SHROOM4: variants seen among roughly 807,000 people sequenced by gnomAD.
SHROOM4 encodes the protein protein Shroom4.
A neutral mutation model predicts 80.3 loss-of-function variants in SHROOM4; 17 were observed. The observed-to-expected ratio is 0.21, with a 90% CI of 0.14 to 0.32. The LOEUF is 0.32. SHROOM4 is among the 10% of genes least tolerant of loss of function. The pLI is 1.00. For missense variants in SHROOM4, 993 were observed against 1,140.3 expected (o/e 0.87, Z 1.86); for synonymous variants, 400 against 437.5 (o/e 0.91, Z 1.07).
chrX:50,791,578 T>C (rs1935852082), intron 1 of SHROOM4, among the ~76,000 whole-genome samples: 1 of 64,903 alleles, frequency 1.5e-5, no homozygotes, highest in Non-Finnish European at 2.6e-5. Flanking sequence ...CATGCCTGAC[T>C]TTTTTTTTTT....
At chrX:50,614,176 C>G (rs1557250365) in intron 5 of SHROOM4, among the ~76,000 whole-genome samples, 1 of 111,972 alleles carries the variant, frequency 8.9e-6, no homozygotes, top group Non-Finnish European at 1.9e-5. Context: ...AAAAAAATAC[C>G]ATAAAGGTAC....
chrX:50,779,787 C>T (rs1935584797), intron 1 of SHROOM4, among the ~76,000 whole-genome samples: 1 of 112,158 alleles, frequency 8.9e-6, no homozygotes, highest in South Asian at 3.7e-4. Flanking sequence ...GCAAAACACA[C>T]ACTGCTGTTA....
intron 1 of SHROOM4, among the ~76,000 whole-genome samples, chrX:50,804,722 T>C (rs1557272903): frequency 8.9e-6 from 1 of 112,287 alleles, no homozygotes; most frequent in African/African-American, 3.2e-5. Context: ...TGAAAATACA[T>C]GTAAAACACC....
chrX:50,760,332 C>CTT (rs59845169), intron 1 of SHROOM4, among the ~76,000 whole-genome samples: 955 of 89,539 alleles, frequency 0.011, 10 homozygotes, highest in African/African-American at 0.027. Flanking sequence ...TCTCTAGTAA[C>CTT]TTTTTTTTTT....
chrX:50,682,497 C>T (rs782060482), intron 2 of SHROOM4, among the ~76,000 whole-genome samples: 1 of 111,671 alleles, frequency 9.0e-6, no homozygotes, highest in African/African-American at 3.2e-5. Flanking sequence ...GGAGGAAAAA[C>T]AACACATGGA....
chrX:50,808,781 G>C (rs1557273202), intron 1 of SHROOM4, among the ~76,000 whole-genome samples: 1 of 110,646 alleles, frequency 9.0e-6, no homozygotes, highest in African/African-American at 3.3e-5. Flanking sequence ...TTTTTTAAGG[G>C]ACAATGGAGT....
chrX:50,655,190 T>C (rs996363743), intron 2 of SHROOM4, among the ~76,000 whole-genome samples: 1 of 109,982 alleles, frequency 9.1e-6, no homozygotes, highest in Non-Finnish European at 1.9e-5. Flanking sequence ...CAATTCACCA[T>C]TGATGGGCAC....
At chrX:50,788,220 G>T (rs1345544574) in intron 1 of SHROOM4, among the ~76,000 whole-genome samples, 1 of 111,699 alleles carries the variant, frequency 9.0e-6, no homozygotes, top group Non-Finnish European at 1.9e-5. Flanking sequence ...GTTTTTGTAT[G>T]TGATCGAAGT....
intron 2 of SHROOM4, among the ~76,000 whole-genome samples, chrX:50,678,023 C>T (rs1196022097): frequency 2.7e-5 from 3 of 111,701 alleles, no homozygotes; most frequent in Admixed American, 9.5e-5. Context: ...ACCAAATTAG[C>T]GTAGGAAAAA....
At chrX:50,812,748 C>T (rs782079620) in intron 1 of SHROOM4, among the ~76,000 whole-genome samples, 2 of 68,843 alleles carry the variant, frequency 2.9e-5, no homozygotes, top group South Asian at 1.8e-3. Flanking sequence ...TTGAACCCCA[C>T]CCCCCCGCAA....
Position 50,673,318 on chromosome X carries a change from A to G in SHROOM4, c.269+22468T>C, listed in dbSNP as rs782474574. ...GAAAGGTAAAGTTACTATACTTCAA[A>G]CTGGTAAAATGACAATATCAATAAA... On this transcript the variant is annotated intron_variant, in intron 2 of 8. Transcript: ENST00000376020. Among the ~76,000 whole-genome samples the G allele has an allele frequency of 1.5e-4, 17 of 111,313 alleles. 1 individual carries two copies. The East Asian group carries it at 4.8e-3, about 31-fold the overall frequency.
intron 1 of SHROOM4, among the ~76,000 whole-genome samples, chrX:50,713,198 T>A (rs1557264535): frequency 9.0e-6 from 1 of 111,623 alleles, no homozygotes; most frequent in African/African-American, 3.3e-5. Context: ...GCACCCAAAG[T>A]GCAGCAGACT....
intron 4 of SHROOM4, among the ~76,000 whole-genome samples, chrX:50,632,428 C>T (rs1557254287): frequency 1.8e-5 from 2 of 111,944 alleles, no homozygotes; most frequent in African/African-American, 6.5e-5. Flanking sequence ...GGGAAGTAAT[C>T]TGGCAGTGAG....
Position 50,796,894 on chromosome X carries a change from A to G in SHROOM4, c.117+17008T>C, listed in dbSNP as rs1557272166. On this transcript the variant is annotated intron_variant, in intron 1 of 8. Coordinates refer to ENST00000376020, the MANE Select transcript of SHROOM4 (RefSeq NM_020717.5). ...AAAGAGCCCATTTTACAAGGGGAAG[A>G]TAAGTTCCATTTTAGACATACTGGG... 2.7e-5 allele frequency among the ~76,000 whole-genome samples: 3 copies of G among 110,750 alleles called. No homozygotes were observed. In the Admixed American group the frequency reaches 2.9e-4, roughly 11 times the overall value.
At chrX:50,780,604 C>A (rs1557270565) in intron 1 of SHROOM4, among the ~76,000 whole-genome samples, 2 of 111,557 alleles carry the variant, frequency 1.8e-5, no homozygotes, top group Non-Finnish European at 3.8e-5. Flanking sequence ...ACCCTGTAGT[C>A]TATGTCTTCA....
chrX:50,708,930 G>A (rs985932440), intron 1 of SHROOM4, among the ~76,000 whole-genome samples: 1 of 111,767 alleles, frequency 8.9e-6, no homozygotes, highest in Non-Finnish European at 1.9e-5. Flanking sequence ...CAAGGAGGAA[G>A]AACTTCCTGC....
At chrX:50,797,252 T>C (rs1167416198) in intron 1 of SHROOM4, among the ~76,000 whole-genome samples, 1 of 111,040 alleles carries the variant, frequency 9.0e-6, no homozygotes, top group Non-Finnish European at 1.9e-5. Flanking sequence ...TTGGAGAAGG[T>C]CGAGTCTGAA....
intron 1 of SHROOM4, among the ~76,000 whole-genome samples, chrX:50,765,111 C>T (rs1343765347): frequency 1.8e-5 from 2 of 111,674 alleles, no homozygotes; most frequent in Non-Finnish European, 3.8e-5. Flanking sequence ...TGACACATGG[C>T]AATTATGGGA....
intron 1 of SHROOM4, among the ~76,000 whole-genome samples, chrX:50,713,087 A>C (rs1933857315): frequency 9.0e-6 from 1 of 110,722 alleles, no homozygotes; most frequent in African/African-American, 3.3e-5. Context: ...CCAGGAGATA[A>C]TAAAGCACAG....
Sources: gnomAD v4.1 joint callset for allele counts (sites outside exome capture counted in the v4.1 genomes callset) on GRCh38, gnomAD v4.1.1 for gene constraint, MANE v1.5 for transcripts, NCBI Gene and HGNC (gene_info 2026-07-23, HGNC 2026-07-21) for gene names.